CELF2: variants seen among roughly 807,000 people sequenced by gnomAD.
CELF2 encodes the protein CUG triplet repeat RNA-binding protein 2.
Under a neutral mutation model 62.6 loss-of-function variants are expected in CELF2, and 8 were observed. The ratio of observed to expected loss-of-function variants is 0.13; its 90% confidence interval spans 0.07 to 0.23. The LOEUF (loss-of-function observed/expected upper bound fraction) is 0.23, where lower values mean the gene tolerates loss of function less well. Among genes scored for constraint, CELF2 ranks in the 10% least tolerant of loss-of-function variants. CELF2 has a pLI of 1.00. For missense variants in CELF2, 333 were observed against 671.0 expected (o/e 0.50, Z 5.56); for synonymous variants, 258 against 250.0 (o/e 1.03, Z -0.30).
chr10:11,040,054 A>C (rs893693157), intron 1 of CELF2, among the ~76,000 whole-genome samples: 19 of 152,208 alleles, frequency 1.2e-4, no homozygotes, highest in Non-Finnish European at 2.2e-4. Flanking sequence ...GAAAATAGTA[A>C]ATTTTGAAAA....
At position 10,856,897 on chromosome 10, in the gene CELF2, C is replaced by T. The variant is rs559348990; in HGVS notation, c.53+58080C>T. On this transcript the variant is annotated intron_variant, in intron 1 of 13. Transcript: ENST00000636488. ...GAAATTAGTACCAGACTTGCTCTCC[C>T]ACCATTAACAACTAGAAAATTGGAC... is the stretch of plus-strand genomic sequence containing the variant. Among the ~76,000 whole-genome samples, 132 of 152,136 alleles carry T rather than the reference C, an allele frequency of 8.7e-4. 1 individual carries two copies. The highest frequency in any genetic ancestry group is 3.4e-3 in the Middle Eastern group (1 of 294).
intron 2 of CELF2, among the ~76,000 whole-genome samples, chr10:11,170,118 C>T (rs953771914): frequency 5.3e-5 from 8 of 152,140 alleles, no homozygotes; most frequent in Non-Finnish European, 1.0e-4. Flanking sequence ...GGAGAGGAAG[C>T]TTAGACATGC....
intron 2 of CELF2, among the ~76,000 whole-genome samples, chr10:10,954,258 T>C (rs1358243088): frequency 7.8e-6 from 1 of 127,452 alleles, no homozygotes; most frequent in East Asian, 2.6e-4. Flanking sequence ...TTATTATTAT[T>C]ATTTTGAGAT....
At chr10:10,493,284 G>A in the CELF2 span, among the ~76,000 whole-genome samples, 1 of 152,112 alleles carries the variant, frequency 6.6e-6, no homozygotes, top group Non-Finnish European at 1.5e-5. Context: ...GGGAGAGGGG[G>A]CATGGATGGC....
chr10:11,111,026 C>A (rs1202363841), intron 1 of CELF2, among the ~76,000 whole-genome samples: 2 of 152,152 alleles, frequency 1.3e-5, no homozygotes, highest in Non-Finnish European at 2.9e-5. Context: ...GAGTACCATT[C>A]GGTTAGGATG....
At chr10:11,121,637 T>A (rs888891539) in intron 1 of CELF2, among the ~76,000 whole-genome samples, 7 of 152,128 alleles carry the variant, frequency 4.6e-5, no homozygotes, top group Non-Finnish European at 7.4e-5. Context: ...AAAATAAATA[T>A]AAGTTAATAT....
chr10:11,119,864 T>TCTCCCCCCCCCCC (rs1399108400), intron 1 of CELF2, among the ~76,000 whole-genome samples: 32 of 112,162 alleles, frequency 2.9e-4, no homozygotes, highest in African/African-American at 4.0e-4. Flanking sequence ...TGATTCCGCC[T>TCTCCCCCCCCCCC]CCCCCCCCCC....
In CELF2 at chr10:10,947,738, C is replaced by T. The variant is rs201066; in HGVS notation, c.89+27739C>T. Among the ~76,000 whole-genome samples, 83,812 of 151,972 alleles carry T rather than the reference C, an allele frequency of 0.55. 25,161 individuals are homozygous for T. Among genetic ancestry groups the T allele is most frequent in the East Asian group, 0.79 (4,103 of 5,162 alleles). On this transcript the variant is annotated intron_variant, in intron 2 of 13. Transcript: ENST00000636488. This position sits in a 1 kb window ranked among gnomAD's most constrained non-coding sequence, Gnocchi z 4.1. ...TTTCTGCTTTCAAGGTCATGAGTAG[C>T]GTAAGAAGACACATACACACATCTT...
the CELF2 span, among the ~76,000 whole-genome samples, chr10:10,537,236 A>G: frequency 6.6e-6 from 1 of 152,224 alleles, no homozygotes; most frequent in African/African-American, 2.4e-5. Context: ...ATGCAAAGAT[A>G]GAAACCAGCC....
chr10:10,780,880 C>T, the CELF2 span, among the ~76,000 whole-genome samples: 1 of 152,238 alleles, frequency 6.6e-6, no homozygotes, highest in Admixed American at 6.5e-5. Context: ...CTCATCAGCA[C>T]AACTCTAATT....
intron 4 of CELF2, among the ~76,000 whole-genome samples, chr10:11,251,662 C>T (rs1456189858): frequency 6.6e-6 from 1 of 152,102 alleles, no homozygotes; most frequent in Admixed American, 6.5e-5. Context: ...TTTAACCTTA[C>T]TCAGCATCAG....
At chr10:10,527,033 G>GT in the CELF2 span, among the ~76,000 whole-genome samples, 4 of 152,262 alleles carry the variant, frequency 2.6e-5, no homozygotes, top group Middle Eastern at 0.01. Context: ...ATCCAGATGT[G>GT]TTTTTTTGCA....
intron 1 of CELF2, among the ~76,000 whole-genome samples, chr10:10,801,115 T>C (rs2131512187): frequency 6.6e-6 from 1 of 152,026 alleles, no homozygotes; most frequent in East Asian, 1.9e-4. Flanking sequence ...CCCCTAAACA[T>C]GCCCCAAATT....
At chr10:11,161,175 G>A (rs184497283) in intron 1 of CELF2, among the ~76,000 whole-genome samples, 5 of 152,254 alleles carry the variant, frequency 3.3e-5, no homozygotes, top group South Asian at 4.1e-4. Context: ...TCGTTTTTCC[G>A]AACAAGATTT....
At chr10:11,179,403 T>C (rs658469) in intron 2 of CELF2, among the ~76,000 whole-genome samples, 74,719 of 152,106 alleles carry the variant, frequency 0.49, 19,758 homozygotes, top group East Asian at 0.84. Flanking sequence ...CATCGCTTGC[T>C]GAAGGACTGT....
intron 1 of CELF2, among the ~76,000 whole-genome samples, chr10:11,094,794 C>T (rs985650005): frequency 7.2e-5 from 11 of 152,154 alleles, no homozygotes; most frequent in African/African-American, 2.7e-4. Context: ...CCTTAGCCAT[C>T]GAATGAACAC....
At chr10:11,256,929 T>G (rs901141675) in intron 4 of CELF2, among the ~76,000 whole-genome samples, 2 of 151,926 alleles carry the variant, frequency 1.3e-5, no homozygotes, top group Non-Finnish European at 2.9e-5. Context: ...TCCCGGTGGC[T>G]AGTACAGTAT....
chr10:11,115,479 G>A (rs566066719), intron 1 of CELF2, among the ~76,000 whole-genome samples: 2 of 152,272 alleles, frequency 1.3e-5, no homozygotes, highest in South Asian at 4.1e-4. Context: ...GTGAGTCATA[G>A]GGATCCATTA....
intron 2 of CELF2, among the ~76,000 whole-genome samples, chr10:10,963,428 G>A (rs1477309988): frequency 6.6e-6 from 1 of 152,116 alleles, no homozygotes; most frequent in African/African-American, 2.4e-5. Flanking sequence ...TCTTTAACCT[G>A]CTCTTCTTAA....
Sources: gnomAD v4.1 joint callset for allele counts (sites outside exome capture counted in the v4.1 genomes callset) on GRCh38, gnomAD v4.1.1 for gene constraint, Gnocchi (gnomAD v3.1) non-coding constraint, MANE v1.5 for transcripts, NCBI Gene and HGNC (gene_info 2026-07-23, HGNC 2026-07-21) for gene names.